The following TOP6BL variants were observed in gnomAD, a reference collection of about 807,000 sequenced individuals.
TOP6BL encodes type 2 DNA topoisomerase 6 subunit B-like.
chr11:66,778,795 A>G, the TOP6BL span, among the ~76,000 whole-genome samples: 2 of 152,154 alleles, frequency 1.3e-5, no homozygotes, highest in Non-Finnish European at 2.9e-5. Context: ...AAACAGCATG[A>G]TACTGGTACC....
the TOP6BL span, among the ~76,000 whole-genome samples, chr11:66,773,249 T>G: frequency 6.6e-6 from 1 of 151,942 alleles, no homozygotes; most frequent in African/African-American, 2.4e-5. Flanking sequence ...AGACAGGGTC[T>G]CACTGTGTTG....
the TOP6BL span, among the ~76,000 whole-genome samples, chr11:66,816,971 C>A: frequency 2.6e-5 from 4 of 152,030 alleles, no homozygotes; most frequent in East Asian, 5.8e-4. Flanking sequence ...CTAGCTAACA[C>A]GGCGAAACCC....
chr11:66,816,515 A>C, the TOP6BL span, among the ~76,000 whole-genome samples: 1 of 152,174 alleles, frequency 6.6e-6, no homozygotes, highest in Non-Finnish European at 1.5e-5. Context: ...CTTACTCCCC[A>C]GAGATTCTGA....
the TOP6BL span, among the ~76,000 whole-genome samples, chr11:66,789,210 GA>G: frequency 6.6e-6 from 1 of 152,212 alleles, no homozygotes; most frequent in African/African-American, 2.4e-5. Flanking sequence ...TCCTAATAAA[GA>G]AAATTAAAAG....
At chr11:66,775,242 C>G in the TOP6BL span, among the ~76,000 whole-genome samples, 222 of 150,254 alleles carry the variant, frequency 1.5e-3, no homozygotes, top group African/African-American at 5.3e-3. Flanking sequence ...GATGATATAT[C>G]TTGTCATTTA....
the TOP6BL span, among the ~76,000 whole-genome samples, chr11:66,768,924 C>G: frequency 6.6e-6 from 1 of 152,160 alleles, no homozygotes; most frequent in Non-Finnish European, 1.5e-5. Flanking sequence ...TGGTACATAA[C>G]TGCTTTTATT....
At chr11:66,748,350 A>G in the TOP6BL span, 32 of 1,485,564 alleles carry the variant, frequency 2.2e-5, no homozygotes, top group Non-Finnish European at 2.7e-5. Context: ...AAAGAAGATT[A>G]TGTTTTCTTT....
At chr11:66,787,792 T>C in the TOP6BL span, among the ~76,000 whole-genome samples, 1 of 151,798 alleles carries the variant, frequency 6.6e-6, no homozygotes, top group East Asian at 1.9e-4. Flanking sequence ...AATTAGTTCA[T>C]GTACTAGACT....
chr11:66,759,675 C>T, the TOP6BL span, among the ~76,000 whole-genome samples: 1 of 152,146 alleles, frequency 6.6e-6, no homozygotes, highest in Non-Finnish European at 1.5e-5. Context: ...CCTCTGCCTC[C>T]TGGGTTCAAG....
the TOP6BL span, among the ~76,000 whole-genome samples, chr11:66,828,976 T>G: frequency 2.2e-5 from 2 of 90,060 alleles, no homozygotes; most frequent in East Asian, 2.9e-4. Flanking sequence ...GTGTTTTTTG[T>G]TTTTTTTTTT....
the TOP6BL span, among the ~76,000 whole-genome samples, chr11:66,779,798 G>C: frequency 5.4e-3 from 823 of 152,184 alleles, 4 homozygotes; most frequent in African/African-American, 0.019. Flanking sequence ...TTAAGAAAAT[G>C]TGGCACATAT....
the TOP6BL span, among the ~76,000 whole-genome samples, chr11:66,842,519 G>A: frequency 7.2e-5 from 11 of 152,228 alleles, no homozygotes; most frequent in Admixed American, 2.0e-4. Flanking sequence ...GGTGAGGGGG[G>A]ACAGAGGCTG....
the TOP6BL span, among the ~76,000 whole-genome samples, chr11:66,827,292 C>T: frequency 4.6e-5 from 7 of 152,186 alleles, no homozygotes; most frequent in Non-Finnish European, 7.3e-5. Context: ...TCAGGTGATC[C>T]ACCTGCCTTG....
At chr11:66,804,795 G>A in the TOP6BL span, among the ~76,000 whole-genome samples, 1 of 152,022 alleles carries the variant, frequency 6.6e-6, no homozygotes, top group Non-Finnish European at 1.5e-5. Flanking sequence ...AATTAGGCCG[G>A]GCGTGGTGGC....
chr11:66,817,907 C>T, the TOP6BL span, among the ~76,000 whole-genome samples: 2 of 152,166 alleles, frequency 1.3e-5, no homozygotes, highest in East Asian at 1.9e-4. Flanking sequence ...GAGTTGACTT[C>T]TGCATTTTAA....
the TOP6BL span, among the ~76,000 whole-genome samples, chr11:66,831,398 T>C: frequency 1.8e-4 from 27 of 152,246 alleles, no homozygotes; most frequent in East Asian, 5.0e-3. Flanking sequence ...TAGATTCATA[T>C]AAAGGAACAC....
chr11:66,764,797 A>G, the TOP6BL span, among the ~76,000 whole-genome samples: 26 of 151,904 alleles, frequency 1.7e-4, no homozygotes, highest in Non-Finnish European at 3.1e-4. Flanking sequence ...CCATCTCTAC[A>G]AAAAATACAA....
At chr11:66,809,170 GA>G in the TOP6BL span, among the ~76,000 whole-genome samples, 4 of 152,190 alleles carry the variant, frequency 2.6e-5, no homozygotes, top group African/African-American at 9.7e-5. Context: ...GGCTGAGACA[GA>G]TTTAAGAACA....
At chr11:66,816,288 A>G in the TOP6BL span, 330,674 of 1,314,234 alleles carry the variant, frequency 0.25, 43,270 homozygotes, top group Middle Eastern at 0.29. Flanking sequence ...TCTAAATTAG[A>G]TATATTTCTG....
Sources: gnomAD v4.1 joint callset for allele counts (sites outside exome capture counted in the v4.1 genomes callset) on GRCh38, gnomAD v4.1.1 for gene constraint, MANE v1.5 for transcripts, NCBI Gene and HGNC (gene_info 2026-07-23, HGNC 2026-07-21) for gene names.